XNDC1N: variants seen among roughly 807,000 people sequenced by gnomAD.
XNDC1N encodes XRCC1 N-terminal domain containing 1, N-terminal like.
the XNDC1N span, among the ~76,000 whole-genome samples, chr11:71,899,202 G>C: frequency 1.3e-5 from 2 of 152,172 alleles, no homozygotes; most frequent in Non-Finnish European, 2.9e-5. Flanking sequence ...CAGCCCTGCA[G>C]TGTGGGGTTC....
chr11:71,886,677 G>A, the XNDC1N span, among the ~76,000 whole-genome samples: 10 of 151,960 alleles, frequency 6.6e-5, no homozygotes, highest in Middle Eastern at 3.4e-3. Context: ...CCGTCAAAGC[G>A]CAGAAGACAT....
At chr11:71,900,331 T>C in the XNDC1N span, among the ~76,000 whole-genome samples, 1 of 152,116 alleles carries the variant, frequency 6.6e-6, no homozygotes, top group Non-Finnish European at 1.5e-5. Flanking sequence ...CAGTCTCTCA[T>C]CCCACCCGAC....
At chr11:71,880,225 G>A in the XNDC1N span, among the ~76,000 whole-genome samples, 7 of 152,008 alleles carry the variant, frequency 4.6e-5, no homozygotes, top group Non-Finnish European at 1.0e-4. Flanking sequence ...AGTATTGGTG[G>A]ATTTTAAAAT....
chr11:71,918,929 TCTA>T, the XNDC1N span: 1 of 702,974 alleles, frequency 1.4e-6, no homozygotes, highest in African/African-American at 1.7e-5. Flanking sequence ...CAGCTGTAGT[TCTA>T]CTTTCAATTG....
chr11:71,890,110 C>T, the XNDC1N span, among the ~76,000 whole-genome samples: 4 of 152,102 alleles, frequency 2.6e-5, no homozygotes, highest in Non-Finnish European at 4.4e-5. Context: ...TATTGTTTTC[C>T]CCTCTGGATA....
At chr11:71,917,590 C>T in the XNDC1N span, 9 of 703,554 alleles carry the variant, frequency 1.3e-5, no homozygotes, top group East Asian at 8.0e-5. Context: ...ATAAAGACCA[C>T]CCCCATCTTT....
chr11:71,891,999 C>T, the XNDC1N span, among the ~76,000 whole-genome samples: 4 of 151,496 alleles, frequency 2.6e-5, no homozygotes, highest in African/African-American at 4.9e-5. Flanking sequence ...AGTGATATTG[C>T]GAATAATGTC....
the XNDC1N span, among the ~76,000 whole-genome samples, chr11:71,908,016 A>G: frequency 6.6e-6 from 1 of 152,296 alleles, no homozygotes; most frequent in East Asian, 1.9e-4. Flanking sequence ...ATTCGGATCA[A>G]TGTCACTGGC....
At chr11:71,905,996 T>G in the XNDC1N span, among the ~76,000 whole-genome samples, 1 of 151,852 alleles carries the variant, frequency 6.6e-6, no homozygotes, top group African/African-American at 2.4e-5. Flanking sequence ...TATCACACGG[T>G]GTACACCCCT....
chr11:71,907,303 C>A, the XNDC1N span, among the ~76,000 whole-genome samples: 1 of 152,002 alleles, frequency 6.6e-6, no homozygotes, highest in African/African-American at 2.4e-5. Context: ...GTAATATCAC[C>A]CCCTCTCCCC....
At chr11:71,926,469 T>G in the XNDC1N span, among the ~76,000 whole-genome samples, 1 of 152,232 alleles carries the variant, frequency 6.6e-6, no homozygotes, top group Admixed American at 6.5e-5. Flanking sequence ...TGGATTTTTG[T>G]CATGTTCATG....
the XNDC1N span, among the ~76,000 whole-genome samples, chr11:71,908,009 C>T: frequency 3.3e-5 from 5 of 152,074 alleles, no homozygotes; most frequent in Admixed American, 1.3e-4. Flanking sequence ...AGATTTTATT[C>T]GGATCAATGT....
the XNDC1N span, among the ~76,000 whole-genome samples, chr11:71,874,774 AC>A: frequency 6.6e-6 from 1 of 152,142 alleles, no homozygotes; most frequent in Non-Finnish European, 1.5e-5. Context: ...CCTCCTAACA[AC>A]TGATGGAGTG....
chr11:71,914,568 T>A, the XNDC1N span: 1 of 348,912 alleles, frequency 2.9e-6, no homozygotes, highest in Non-Finnish European at 5.6e-6. Flanking sequence ...GTGTCTGTAA[T>A]CCCAGCTACT....
chr11:71,919,536 C>T, the XNDC1N span, among the ~76,000 whole-genome samples: 4 of 151,818 alleles, frequency 2.6e-5, no homozygotes, highest in Admixed American at 1.3e-4. Flanking sequence ...TACAGGTGCC[C>T]ACCACCATGC....
At chr11:71,865,554 A>G in the XNDC1N span, 1 of 157,702 alleles carries the variant, frequency 6.3e-6, no homozygotes, top group African/African-American at 2.4e-5. Context: ...GACAAAGTTT[A>G]TTAAGAAAGC....
the XNDC1N span, among the ~76,000 whole-genome samples, chr11:71,882,087 GA>G: frequency 6.6e-6 from 1 of 151,162 alleles, no homozygotes; most frequent in Non-Finnish European, 1.5e-5. Flanking sequence ...AAGACGAAAA[GA>G]AAATCTTAAA....
chr11:71,912,803 A>G, the XNDC1N span, among the ~76,000 whole-genome samples: 1 of 152,110 alleles, frequency 6.6e-6, no homozygotes, highest in Non-Finnish European at 1.5e-5. Flanking sequence ...TCCCCTAGAT[A>G]TTAGGAAAAA....
the XNDC1N span, among the ~76,000 whole-genome samples, chr11:71,889,214 GA>G: frequency 6.6e-6 from 1 of 152,228 alleles, no homozygotes; most frequent in Non-Finnish European, 1.5e-5. Context: ...CATGGAGCGT[GA>G]TAGAAAGAAA....
Sources: gnomAD v4.1 joint callset for allele counts (sites outside exome capture counted in the v4.1 genomes callset) on GRCh38, gnomAD v4.1.1 for gene constraint, MANE v1.5 for transcripts, NCBI Gene and HGNC (gene_info 2026-07-23, HGNC 2026-07-21) for gene names.